Variants in MYO1E observed in about 807,000 individuals in gnomAD.
MYO1E encodes the protein myosin IE, also known as unconventional myosin-Ie.
MYO1E carries 68 observed loss-of-function variants against 151.1 expected under a neutral mutation model. The observed-to-expected ratio is 0.45, with a 90% CI of 0.37 to 0.55. MYO1E has a LOEUF of 0.55. Among genes scored for constraint, MYO1E ranks in the 20% least tolerant of loss-of-function variants. The probability of loss-of-function intolerance (pLI) is 0.00; values close to 1 mark genes in which losing one functional copy is unlikely to be tolerated. For synonymous variants in MYO1E, 601 were observed against 501.7 expected, an observed-to-expected ratio of 1.20 and a Z score of -2.64; for missense variants, 1,363 against 1,389.3, an observed-to-expected ratio of 0.98 and a Z score of 0.30.
intron 4 of MYO1E, among the ~76,000 whole-genome samples, chr15:59,244,802 A>AAAAAT (rs1202367231): frequency 7.2e-5 from 11 of 152,250 alleles, no homozygotes; most frequent in Admixed American, 5.9e-4. Flanking sequence ...CGTAAAGATG[A>AAAAAT]AAAATGATAC....
intron 4 of MYO1E, among the ~76,000 whole-genome samples, chr15:59,241,895 G>A (rs2140361146): frequency 6.7e-6 from 1 of 149,238 alleles, no homozygotes; most frequent in African/African-American, 2.6e-5. Context: ...CTCCAGCCTG[G>A]GTAACAAAGT....
At position 59,288,556 on chromosome 15, in the gene MYO1E, T is replaced by G. The variant is rs566344576; in HGVS notation, c.4-16107A>C. On this transcript the variant is annotated intron_variant, in intron 1 of 27. Coordinates refer to ENST00000288235, the MANE Select transcript of MYO1E (RefSeq NM_004998.4). Reference sequence around the variant, plus strand: ...ACCCAAGCTCACAGTACCAGATGAGTAAAGTTTTGCATTGGTTATTAATAA... The same window carrying G: ...ACCCAAGCTCACAGTACCAGATGAGGAAAGTTTTGCATTGGTTATTAATAA... Among the ~76,000 whole-genome samples, 59 of 152,198 alleles carry G rather than the reference T, an allele frequency of 3.9e-4. No homozygotes were observed. The Middle Eastern group carries it at 0.02, about 53-fold the overall frequency.
intron 1 of MYO1E, among the ~76,000 whole-genome samples, chr15:59,305,667 GGACA>G (rs1386442173): frequency 1.3e-5 from 2 of 152,170 alleles, no homozygotes; most frequent in Non-Finnish European, 2.9e-5. Context: ...ACTGGCTCAT[GGACA>G]GACAGAGGCT....
At chr15:59,302,797 AT>A (rs777798060) in intron 1 of MYO1E, among the ~76,000 whole-genome samples, 2 of 152,222 alleles carry the variant, frequency 1.3e-5, no homozygotes, top group Non-Finnish European at 2.9e-5. Context: ...TTATACAAAT[AT>A]GTTAAAAATT....
intron 4 of MYO1E, among the ~76,000 whole-genome samples, chr15:59,254,511 C>G (rs2080183127): frequency 6.6e-6 from 1 of 152,132 alleles, no homozygotes; most frequent in South Asian, 2.1e-4. Context: ...CTGCCATGCC[C>G]TGCCAGATTT....
chr15:59,316,715 T>C (rs2080591351), intron 1 of MYO1E, among the ~76,000 whole-genome samples: 1 of 152,220 alleles, frequency 6.6e-6, no homozygotes, highest in Non-Finnish European at 1.5e-5. Flanking sequence ...TCCTCTTGCT[T>C]TCCATAGCGA....
intron 1 of MYO1E, among the ~76,000 whole-genome samples, chr15:59,341,016 C>CAAAAAAAAA (rs35367694): frequency 1.8e-3 from 154 of 85,916 alleles, no homozygotes; most frequent in Middle Eastern, 4.9e-3. Flanking sequence ...GACTCCATCT[C>CAAAAAAAAA]AAAAAAAAAA....
chr15:59,288,396 C>A (rs1044460206), intron 1 of MYO1E, among the ~76,000 whole-genome samples: 1 of 152,076 alleles, frequency 6.6e-6, no homozygotes. Context: ...AGGATGGTCT[C>A]GAACTCCTGG....
At chr15:59,231,843 A>G in intron 5 of MYO1E, 52 bp from the exon 6 acceptor site, 2 of 1,588,868 alleles carry the variant, frequency 1.3e-6, no homozygotes, top group Admixed American at 1.7e-5. Flanking sequence ...CCTACCACAC[A>G]GTGTACGCCA....
chr15:59,372,362 C>A, intron 1 of MYO1E, 136 bp downstream of exon 1: 1 of 1,084,688 alleles, frequency 9.2e-7, no homozygotes, highest in Non-Finnish European at 1.4e-6. Context: ...GAAATCAGAG[C>A]TCGCGACGTG....
In MYO1E at chr15:59,278,693, C is replaced by A. The variant is rs2080335862; in HGVS notation, c.4-6244G>T. ...GTGCTGGACTTCAGTGCACAGAGTA[C>A]AATATGAGGAAAAAGTGTTCCTGAA... On this transcript the variant is annotated intron_variant, in intron 1 of 27. Transcript: ENST00000288235. 2.0e-5 allele frequency among the ~76,000 whole-genome samples: 3 copies of A among 152,042 alleles called. No individual in the cohort carries two copies. In the South Asian group the frequency reaches 6.2e-4, roughly 32 times the overall value.
intron 19 of MYO1E, among the ~76,000 whole-genome samples, chr15:59,175,662 G>T (rs185360814): frequency 2.6e-5 from 4 of 152,334 alleles, no homozygotes; most frequent in East Asian, 3.9e-4. Context: ...GTTGCCTGTT[G>T]TAAGAATATC....
chr15:59,260,044 T>C (rs1489766503), intron 3 of MYO1E, among the ~76,000 whole-genome samples: 1 of 152,252 alleles, frequency 6.6e-6, no homozygotes, highest in African/African-American at 2.4e-5. Flanking sequence ...TTTACAATAA[T>C]CTGTTACTAT....
rs867126844 is a variant in MYO1E, at chr15:59,218,726, T to G, written c.911-639A>C. ...GAATATGTAACACAGACAGACAAGA[T>G]CTGGAGAAATTAGAACAGGAAGATA... On this transcript the variant is annotated intron_variant, in intron 9 of 27. Coordinates refer to ENST00000288235, the MANE Select transcript of MYO1E (RefSeq NM_004998.4). Among the ~76,000 whole-genome samples the G allele has an allele frequency of 4.6e-5, 7 of 152,214 alleles. 1 individual carries two copies. In the South Asian group the frequency reaches 1.0e-3, roughly 23 times the overall value.
chr15:59,285,483 G>A (rs926786730), intron 1 of MYO1E, among the ~76,000 whole-genome samples: 3 of 142,176 alleles, frequency 2.1e-5, no homozygotes, highest in South Asian at 2.3e-4. Context: ...TCAGCCCCCC[G>A]AGTGGCTGGG....
chr15:59,226,564 T>C (rs1177147600), intron 7 of MYO1E, among the ~76,000 whole-genome samples: 10 of 152,202 alleles, frequency 6.6e-5, no homozygotes, highest in Non-Finnish European at 1.2e-4. Flanking sequence ...CCTAGCACTT[T>C]GGGAGGCTGA....
intron 17 of MYO1E, among the ~76,000 whole-genome samples, chr15:59,192,041 G>A (rs1384890962): frequency 6.6e-6 from 1 of 152,020 alleles, no homozygotes; most frequent in Non-Finnish European, 1.5e-5. Context: ...TCTTTACCAG[G>A]AGCTTCAACT....
chr15:59,345,002 T>G (rs1361225510), intron 1 of MYO1E, among the ~76,000 whole-genome samples: 1 of 152,164 alleles, frequency 6.6e-6, no homozygotes, highest in African/African-American at 2.4e-5. Context: ...AGTACTTTAT[T>G]TAGAAAGACA....
chr15:59,160,877 A>G (rs1161165697), intron 24 of MYO1E, among the ~76,000 whole-genome samples, 196 bp downstream of exon 24: 1 of 152,122 alleles, frequency 6.6e-6, no homozygotes, highest in Non-Finnish European at 1.5e-5. Context: ...TAAGTCCCTC[A>G]GAAACTTTTA....
Sources: gnomAD v4.1 joint callset for allele counts (sites outside exome capture counted in the v4.1 genomes callset) on GRCh38, gnomAD v4.1.1 for gene constraint, MANE v1.5 for transcripts, NCBI Gene and HGNC (gene_info 2026-07-23, HGNC 2026-07-21) for gene names.